KCNIP4: variants seen among roughly 807,000 people sequenced by gnomAD.
The protein encoded by KCNIP4 is Kv channel-interacting protein 4.
KCNIP4 carries 12 observed loss-of-function variants against 34.0 expected under a neutral mutation model. That is an observed-to-expected ratio of 0.35 (90% CI 0.23 to 0.57). KCNIP4 has a LOEUF of 0.57. KCNIP4 is among the 20% of genes least tolerant of loss of function. The probability of loss-of-function intolerance (pLI) is 0.83; values close to 1 mark genes in which losing one functional copy is unlikely to be tolerated. For missense variants in KCNIP4, 238 were observed against 311.7 expected (o/e 0.76, Z 1.78); for synonymous variants, 124 against 102.2 (o/e 1.21, Z -1.29).
At chr4:21,321,270 T>C (rs1312815707) in intron 1 of KCNIP4, among the ~76,000 whole-genome samples, 8 of 152,066 alleles carry the variant, frequency 5.3e-5, no homozygotes. Flanking sequence ...GGCACTTCCA[T>C]TCCAGAAAGA....
At chr4:20,803,943 A>G (rs1714745040) in intron 3 of KCNIP4, among the ~76,000 whole-genome samples, 1 of 152,202 alleles carries the variant, frequency 6.6e-6, no homozygotes, top group African/African-American at 2.4e-5. Flanking sequence ...ACTCTAAGCA[A>G]GTTATTTAAT....
chr4:20,780,500 A>G (rs1756779169), intron 3 of KCNIP4, among the ~76,000 whole-genome samples: 1 of 152,144 alleles, frequency 6.6e-6, no homozygotes, highest in African/African-American at 2.4e-5. Context: ...ATAACATGAG[A>G]CGCCCTGATT....
chr4:21,668,716 A>C (rs1157545057), intron 1 of KCNIP4, among the ~76,000 whole-genome samples: 4 of 152,192 alleles, frequency 2.6e-5, no homozygotes, highest in Non-Finnish European at 4.4e-5. Context: ...ATTTTTTATC[A>C]ACCTTAACAT....
intron 1 of KCNIP4, among the ~76,000 whole-genome samples, chr4:21,330,025 A>T (rs1257621407): frequency 6.6e-6 from 1 of 152,220 alleles, no homozygotes; most frequent in Non-Finnish European, 1.5e-5. Context: ...ATTAAAAAAC[A>T]ATGTATTCAG....
intron 3 of KCNIP4, among the ~76,000 whole-genome samples, chr4:20,841,152 C>T (rs1412448536): frequency 6.6e-6 from 1 of 152,152 alleles, no homozygotes; most frequent in East Asian, 1.9e-4. Context: ...AACAGCACTT[C>T]AATTTTACTC....
At chr4:21,597,304 A>G (rs924985204) in intron 1 of KCNIP4, among the ~76,000 whole-genome samples, 52 of 152,096 alleles carry the variant, frequency 3.4e-4, no homozygotes, top group African/African-American at 1.2e-3. Context: ...GCCGCGATGT[A>G]AGACGTGCTT....
At chr4:21,217,818 A>G (rs1051499381) in intron 1 of KCNIP4, among the ~76,000 whole-genome samples, 3 of 152,056 alleles carry the variant, frequency 2.0e-5, no homozygotes, top group African/African-American at 7.2e-5. Context: ...TGTACATCTA[A>G]TGATGTTCAG....
chr4:20,941,496 AAAG>A (rs1360437273), intron 1 of KCNIP4, among the ~76,000 whole-genome samples: 3 of 152,326 alleles, frequency 2.0e-5, no homozygotes, highest in Non-Finnish European at 2.9e-5. Context: ...AGGAACGGAG[AAAG>A]AAGGACAAAA....
intron 3 of KCNIP4, among the ~76,000 whole-genome samples, chr4:20,788,741 A>G (rs1712331479): frequency 6.6e-6 from 1 of 152,222 alleles, no homozygotes; most frequent in Admixed American, 6.6e-5. Flanking sequence ...TGTTAAGAAG[A>G]GGAGAAAAAC....
chr4:20,751,259 A>T (rs1181278157), intron 4 of KCNIP4, among the ~76,000 whole-genome samples: 1 of 152,228 alleles, frequency 6.6e-6, no homozygotes, highest in Non-Finnish European at 1.5e-5. Flanking sequence ...TTGGGTCTAA[A>T]TAACATGTAA....
intron 1 of KCNIP4, among the ~76,000 whole-genome samples, chr4:21,241,078 T>C (rs142339808): frequency 0.021 from 3,163 of 152,258 alleles, 52 homozygotes; most frequent in Non-Finnish European, 0.03. Context: ...AGTCACTACA[T>C]GTTTTGTTGC....
At chr4:21,602,595 T>C (rs980164200) in intron 1 of KCNIP4, among the ~76,000 whole-genome samples, 7 of 152,190 alleles carry the variant, frequency 4.6e-5, no homozygotes, top group Non-Finnish European at 8.8e-5. Context: ...AATCCTCAAG[T>C]ACAATGATTC....
chr4:21,519,343 TACACACACACAC>T (rs137872471), intron 1 of KCNIP4, among the ~76,000 whole-genome samples: 4 of 115,072 alleles, frequency 3.5e-5, no homozygotes, highest in African/African-American at 1.2e-4. Flanking sequence ...GAGAGAGAGA[TACACACACACAC>T]ACACACACAC....
chr4:21,217,949 G>C (rs1395013997), intron 1 of KCNIP4, among the ~76,000 whole-genome samples: 1 of 150,496 alleles, frequency 6.6e-6, no homozygotes, highest in South Asian at 2.1e-4. Context: ...ATTACTCATT[G>C]TGTCCAAAGT....
chr4:21,114,161 A>C (rs1749490324), intron 1 of KCNIP4, among the ~76,000 whole-genome samples: 1 of 152,202 alleles, frequency 6.6e-6, no homozygotes, highest in Non-Finnish European at 1.5e-5. Context: ...GTTCTTACAT[A>C]CAGAAATAAG....
intron 1 of KCNIP4, among the ~76,000 whole-genome samples, chr4:20,920,440 C>A (rs1233144599): frequency 6.6e-6 from 1 of 152,138 alleles, no homozygotes; most frequent in Non-Finnish European, 1.5e-5. Flanking sequence ...CTTTATGCAA[C>A]CCAGACACAT....
intron 3 of KCNIP4, among the ~76,000 whole-genome samples, chr4:20,841,685 T>A (rs1234371640): frequency 6.6e-6 from 1 of 151,834 alleles, no homozygotes; most frequent in Non-Finnish European, 1.5e-5. Flanking sequence ...TTCTAGAGGG[T>A]CCCCAATTTT....
At chr4:21,736,910 C>T (rs1716029829) in intron 1 of KCNIP4, among the ~76,000 whole-genome samples, 1 of 152,034 alleles carries the variant, frequency 6.6e-6, no homozygotes. Context: ...TTTTGGTTTT[C>T]TTGACTTTGA....
intron 1 of KCNIP4, among the ~76,000 whole-genome samples, chr4:21,234,191 T>C (rs868680272): frequency 7.1e-5 from 6 of 85,094 alleles, no homozygotes; most frequent in African/African-American, 4.1e-4. Context: ...TAACGTATAT[T>C]ATATATAACA....
Sources: gnomAD v4.1 joint callset for allele counts (sites outside exome capture counted in the v4.1 genomes callset) on GRCh38, gnomAD v4.1.1 for gene constraint, MANE v1.5 for transcripts, NCBI Gene and HGNC (gene_info 2026-07-23, HGNC 2026-07-21) for gene names.